The following KCNS3 variants were observed in gnomAD, a reference collection of about 807,000 sequenced individuals.
The protein encoded by KCNS3 is potassium voltage-gated channel modifier subfamily S member 3, also known as delayed-rectifier potassium channel regulatory subunit KCNS3.
In KCNS3, 13 loss-of-function variants were observed where a neutral mutation model predicts 31.0. The ratio of observed to expected loss-of-function variants is 0.42; its 90% CI spans 0.27 to 0.67. KCNS3 has a LOEUF of 0.67. Among genes scored for constraint, KCNS3 ranks in the 30% least tolerant of loss-of-function variants. The probability of loss-of-function intolerance (pLI) is 0.25; values close to 1 mark genes in which losing one functional copy is unlikely to be tolerated. For missense variants in KCNS3, 545 were observed against 622.4 expected (o/e 0.88, Z 1.32); for synonymous variants, 238 against 241.5 (o/e 0.99, Z 0.13).
At chr2:17,891,482 T>C (rs1401826042) in intron 1 of KCNS3, among the ~76,000 whole-genome samples, 4 of 152,124 alleles carry the variant, frequency 2.6e-5, no homozygotes, top group Admixed American at 2.6e-4. Flanking sequence ...GTTTGTTTGT[T>C]TGTTTTTGCT....
At chr2:17,915,877 AG>A (rs1662577595) in intron 1 of KCNS3, among the ~76,000 whole-genome samples, 1 of 152,146 alleles carries the variant, frequency 6.6e-6, no homozygotes, top group South Asian at 2.1e-4. Context: ...AAATGGGGCA[AG>A]GCACAGGAAT....
chr2:17,893,189 G>C (rs1661899956), intron 1 of KCNS3, among the ~76,000 whole-genome samples: 1 of 152,148 alleles, frequency 6.6e-6, no homozygotes, highest in Non-Finnish European at 1.5e-5. Flanking sequence ...CAGGTTTTCA[G>C]TTAAGTGGGG....
Position 17,887,988 on chromosome 2 carries a change from A to G in KCNS3, c.-252+9182A>G, listed in dbSNP as rs529119864. The stretch of plus-strand genomic sequence containing the variant: ...GTATATCTTCTTTTGAGAATTGTCT[A>G]TTTATGTCCTTAGCCCACTTTTTGA... On this transcript the variant is annotated intron_variant, in intron 1 of 2. Coordinates refer to ENST00000304101, the MANE Select transcript of KCNS3 (RefSeq NM_002252.5). 2.4e-4 allele frequency among the ~76,000 whole-genome samples: 36 copies of G among 151,676 alleles called. No individual in the cohort carries two copies. The East Asian group carries it at 7.0e-3, about 29-fold the overall frequency.
At chr2:17,896,263 G>A (rs1012861378) in intron 1 of KCNS3, among the ~76,000 whole-genome samples, 48 of 152,054 alleles carry the variant, frequency 3.2e-4, no homozygotes, top group African/African-American at 1.1e-3. Context: ...TGCCCAGACT[G>A]GTCTTGAACT....
At chr2:17,919,389 T>C (rs1460056778) in intron 2 of KCNS3, 1 of 152,200 alleles carries the variant, frequency 6.6e-6, no homozygotes, top group East Asian at 1.9e-4. Flanking sequence ...ACTTTTACAT[T>C]TGTTATTTTA....
intron 1 of KCNS3, among the ~76,000 whole-genome samples, chr2:17,915,050 A>G (rs564856639): frequency 6.6e-6 from 1 of 152,244 alleles, no homozygotes; most frequent in East Asian, 1.9e-4. Flanking sequence ...CTTAGTCATT[A>G]CCTTTTCCCT....
At chr2:17,901,461 G>A (rs1017179581) in intron 1 of KCNS3, among the ~76,000 whole-genome samples, 14 of 152,332 alleles carry the variant, frequency 9.2e-5, no homozygotes, top group Admixed American at 5.9e-4. Flanking sequence ...TCTGGCCTGA[G>A]TAAGCGGGTA....
intron 1 of KCNS3, among the ~76,000 whole-genome samples, chr2:17,888,626 A>ATGTAT (rs1280369100): frequency 4.2e-4 from 20 of 47,584 alleles, no homozygotes; most frequent in East Asian, 7.6e-4. Context: ...TAATAAAAAA[A>ATGTAT]ATGTATATAT....
intron 1 of KCNS3, among the ~76,000 whole-genome samples, chr2:17,896,359 T>A (rs1384142231): frequency 1.3e-5 from 2 of 152,078 alleles, no homozygotes; most frequent in African/African-American, 4.8e-5. Flanking sequence ...GGCCTGTGAC[T>A]TATAGTTTAG....
chr2:17,929,427 G>T (rs1558461023), intron 2 of KCNS3, among the ~76,000 whole-genome samples: 1 of 152,132 alleles, frequency 6.6e-6, no homozygotes. Context: ...TACACGCTTT[G>T]AAAGAGCCAG....
chr2:17,914,068 T>C (rs1662530456), intron 1 of KCNS3, among the ~76,000 whole-genome samples: 1 of 152,138 alleles, frequency 6.6e-6, no homozygotes, highest in Admixed American at 6.6e-5. Context: ...TTATCACAGG[T>C]TGGGTCGGAG....
At chr2:17,906,208 A>T (rs1469152798) in intron 1 of KCNS3, among the ~76,000 whole-genome samples, 1 of 152,212 alleles carries the variant, frequency 6.6e-6, no homozygotes. Flanking sequence ...TGTGTCCAGG[A>T]ATTTATCCAT....
At chr2:17,907,828 C>T (rs573143322) in intron 1 of KCNS3, among the ~76,000 whole-genome samples, 30 of 152,320 alleles carry the variant, frequency 2.0e-4, no homozygotes, top group African/African-American at 2.9e-4. Flanking sequence ...CTAAGAGATC[C>T]GCTGTTAGTC....
intron 1 of KCNS3, among the ~76,000 whole-genome samples, chr2:17,903,753 C>T (rs1662245446): frequency 6.6e-6 from 1 of 152,086 alleles, no homozygotes; most frequent in South Asian, 2.1e-4. Context: ...TGATGGTTTC[C>T]AGCTTCATCC....
Position 17,931,006 on chromosome 2 carries a change from A to ACCTTCTGTAT in KCNS3, c.-1_1insTTCTGTATCC. 6.2e-7 allele frequency: 1 copy of ACCTTCTGTAT among 1,612,154 alleles called. No homozygotes were observed. Among genetic ancestry groups the ACCTTCTGTAT allele is most frequent in the Non-Finnish European group, 8.5e-7 (1 of 1,178,970 alleles). ...AGCCAGCACTCTGCCTTCTGTATCC[A>ACCTTCTGTAT]CCATGGTGTTTGGTGAGTTTTTCCA... On this transcript the variant is annotated 5_prime_UTR_variant, in exon 3 of 3. Coordinates refer to ENST00000304101, the MANE Select transcript of KCNS3 (RefSeq NM_002252.5). This position sits in a 1 kb window ranked among gnomAD's most constrained non-coding sequence, Gnocchi z 5.4.
chr2:17,910,492 A>G (rs1266414828), intron 1 of KCNS3, among the ~76,000 whole-genome samples: 3 of 152,222 alleles, frequency 2.0e-5, no homozygotes, highest in Non-Finnish European at 4.4e-5. Flanking sequence ...ATGGAATACA[A>G]AAGAGGAGAG....
chr2:17,899,023 C>A (rs1057327342), intron 1 of KCNS3, among the ~76,000 whole-genome samples: 1 of 152,074 alleles, frequency 6.6e-6, no homozygotes, highest in African/African-American at 2.4e-5. Flanking sequence ...GTCAAGAGAT[C>A]GAGACCATCC....
intron 1 of KCNS3, among the ~76,000 whole-genome samples, chr2:17,910,200 A>G (rs568089912): frequency 1.3e-5 from 2 of 152,262 alleles, no homozygotes; most frequent in Non-Finnish European, 2.9e-5. Flanking sequence ...CAGTAGGTCT[A>G]TAACTACTGT....
intron 2 of KCNS3, chr2:17,919,324 CTT>C (rs1415334715): frequency 2.0e-5 from 3 of 152,118 alleles, no homozygotes; most frequent in Non-Finnish European, 4.4e-5. Context: ...TTATATCAGT[CTT>C]TTATTTTTGG....
Sources: allele counts gnomAD v4.1 joint callset (sites outside exome capture counted in the v4.1 genomes callset), GRCh38; gene constraint gnomAD v4.1.1; non-coding constraint Gnocchi (gnomAD v3.1); transcripts MANE v1.5; gene names NCBI Gene and HGNC (gene_info 2026-07-23, HGNC 2026-07-21).